Variants in ASB13 observed in about 807,000 individuals in gnomAD.
ASB13 encodes ankyrin repeat and SOCS box protein 13.
Under a neutral mutation model 28.8 loss-of-function variants are expected in ASB13, and 33 were observed. That is an observed-to-expected ratio of 1.15 (90% confidence interval 0.87 to 1.53). The LOEUF is 1.53. ASB13 is among the 40% of genes most tolerant of loss of function. ASB13 has a pLI of 0.00. For synonymous variants in ASB13, 182 were observed against 172.9 expected, an observed-to-expected ratio of 1.05 and a Z score of -0.41; for missense variants, 414 against 390.1, an observed-to-expected ratio of 1.06 and a Z score of -0.52.
chr10:5,665,880 A>T (rs1378322328), intron 1 of ASB13, among the ~76,000 whole-genome samples: 1 of 152,062 alleles, frequency 6.6e-6, no homozygotes, highest in Non-Finnish European at 1.5e-5. Context: ...GCAGCAAAAA[A>T]ATTTGCTTCC....
rs1835162765 is a variant in ASB13, at chr10:5,661,320, C to T, written c.43+5189G>A. 6.6e-6 allele frequency among the ~76,000 whole-genome samples: 1 copy of T among 152,180 alleles called. No homozygotes were observed. Among genetic ancestry groups the T allele is most frequent in the Admixed American group, 6.5e-5 (1 of 15,278 alleles). ...CATAAAAGCAGCAGAGCCACTTGCC[C>T]CCAACCCCGCCCCGCCGAGCCTGGG... On this transcript the variant is annotated intron_variant, in intron 1 of 5. Coordinates refer to ENST00000357700, the MANE Select transcript of ASB13 (RefSeq NM_024701.4). This position sits in a 1 kb window ranked among gnomAD's most constrained non-coding sequence, Gnocchi z 4.9.
At position 5,642,484 on chromosome 10, in the gene ASB13, G is replaced by C; in HGVS notation, c.518-523C>G. 1 of 1,202,128 alleles carries C rather than the reference G, an allele frequency of 8.3e-7. No homozygotes were observed. The highest frequency in any genetic ancestry group is 1.0e-6 in the Non-Finnish European group (1 of 953,700). 74.5% of individuals were successfully genotyped at this position (1,202,128 alleles called of 1,614,324 possible). ...AACAGATAACGTACCCAAAACAGTA[G>C]GCAATTCAGAGAAGAGAGTAAGCTC... On this transcript the variant is annotated intron_variant, in intron 4 of 5. Coordinates refer to ENST00000357700, the MANE Select transcript of ASB13 (RefSeq NM_024701.4). This position sits in a 1 kb window ranked among gnomAD's most constrained non-coding sequence, Gnocchi z 4.1.
rs923999882 is a variant in ASB13, at chr10:5,640,204, G to C, written c.*499C>G. 1 of 155,008 alleles carries C rather than the reference G, an allele frequency of 6.5e-6. No homozygotes were observed. The highest frequency in any genetic ancestry group is 1.4e-5 in the Non-Finnish European group (1 of 69,656). The allele number at this position is 155,008 out of a possible 1,614,324, so 9.6% of individuals were successfully genotyped here. A position where few individuals can be genotyped will look rare whatever the true frequency, so the allele number is the denominator to read the frequency against. ...GCAGTCCCAGGCCACATCCCAGGCC[G>C]ACCTTCCGTGGGCCCAGCCATTCCC... On this transcript the variant is annotated 3_prime_UTR_variant, in exon 6 of 6. Coordinates refer to ENST00000357700, the MANE Select transcript of ASB13 (RefSeq NM_024701.4).
Position 5,655,594 on chromosome 10 carries a change from G to A in ASB13, c.44-2544C>T, listed in dbSNP as rs1015124343. On this transcript the variant is annotated intron_variant, in intron 1 of 5. Transcript: ENST00000357700. This position sits in a 1 kb window ranked among gnomAD's most constrained non-coding sequence, Gnocchi z 6.2. ...AGAACTGAACCACAAAGGAAGATTC[G>A]ATCCCCACAAAATGTAAAAGTCAAG... is the stretch of plus-strand genomic sequence containing the variant. 6.6e-6 allele frequency among the ~76,000 whole-genome samples: 1 copy of A among 152,148 alleles called. No individual in the cohort carries two copies. Among genetic ancestry groups the A allele is most frequent in the African/African-American group, 2.4e-5 (1 of 41,438 alleles).
chr10:5,645,432 A>G lies in ASB13; in HGVS notation c.518-3471T>C, dbSNP rs1264418725. 1.3e-5 allele frequency among the ~76,000 whole-genome samples: 2 copies of G among 152,184 alleles called. No individual in the cohort carries two copies. Among genetic ancestry groups the G allele is most frequent in the Non-Finnish European group, 2.9e-5 (2 of 68,036 alleles). ...TTCACTGTCAGTGATCAGATTAAAA[A>G]TTACTTCACCATCATAACCGGACTT... is the stretch of plus-strand genomic sequence containing the variant. On this transcript the variant is annotated intron_variant, in intron 4 of 5. Coordinates refer to ENST00000357700, the MANE Select transcript of ASB13 (RefSeq NM_024701.4). This position sits in a 1 kb window ranked among gnomAD's most constrained non-coding sequence, Gnocchi z 5.4.
At position 5,655,685 on chromosome 10, in the gene ASB13, A is replaced by G. The variant is rs1835059611; in HGVS notation, c.44-2635T>C. ...GCCCCACCAGTAGTAATGAACAGTA[A>G]CCCACTGCCCTCCTGAGGTTAGTGA... is the stretch of plus-strand genomic sequence containing the variant. On this transcript the variant is annotated intron_variant, in intron 1 of 5. Transcript: ENST00000357700. This position sits in a 1 kb window ranked among gnomAD's most constrained non-coding sequence, Gnocchi z 6.2. Among the ~76,000 whole-genome samples the G allele has an allele frequency of 6.6e-6, 1 of 152,184 alleles. No individual in the cohort carries two copies.
At position 5,641,800 on chromosome 10, in the gene ASB13, C is replaced by T. The variant is rs1040300601; in HGVS notation, c.679G>A (p.Ala227Thr). Residue 227 changes from alanine to threonine, a missense_variant, in exon 5 of 6, where the codon GCT becomes ACT. Coordinates refer to ENST00000357700, the MANE Select transcript of ASB13 (RefSeq NM_024701.4). The surrounding 1 kb of genome is among the most constrained non-coding windows in gnomAD (Gnocchi z 8.4). ...TAGTACTCGAAGCACTTGGCGGGAG[C>T]GCTGCTGCTCCACGTGTAGTCAGAC... ...KPSDYTWSSS[A>T]PAKCFEYYEK... The T allele has an allele frequency of 2.6e-5, 42 of 1,606,364 alleles. No individual in the cohort carries two copies. The highest frequency in any genetic ancestry group is 2.0e-4 in the Admixed American group (12 of 58,772).
rs1242395713 is a variant in ASB13, at chr10:5,659,558, G to A, written c.44-6508C>T. On this transcript the variant is annotated intron_variant, in intron 1 of 5. Coordinates refer to ENST00000357700, the MANE Select transcript of ASB13 (RefSeq NM_024701.4). The surrounding 1 kb of genome is among the most constrained non-coding windows in gnomAD (Gnocchi z 5.8). ...GCGTATGCTGTTCCTTCCCCTGCCT[G>A]GAAAGCTCTTCTCAGCCCCATTCCC... 1.3e-5 allele frequency among the ~76,000 whole-genome samples: 2 copies of A among 152,136 alleles called. No individual in the cohort carries two copies. Among genetic ancestry groups the A allele is most frequent in the African/African-American group, 2.4e-5 (1 of 41,426 alleles).
chr10:5,657,223 C>T (rs1165468601), intron 1 of ASB13, among the ~76,000 whole-genome samples: 1 of 152,034 alleles, frequency 6.6e-6, no homozygotes, highest in East Asian at 1.9e-4. Context: ...CATCAAAGGG[C>T]ACAATCAGAG....
In ASB13 at chr10:5,651,634, T is replaced by A; in HGVS notation, c.232-271A>T. On this transcript the variant is annotated intron_variant, in intron 2 of 5. Transcript: ENST00000357700. This position sits in a 1 kb window ranked among gnomAD's most constrained non-coding sequence, Gnocchi z 5.1. ...CCTCGCCACCCCCGCCCCAAACACCTAGTAAGCACAGAGCAGGACAGGGGA... is the reference window on the plus strand; with the variant it reads ...CCTCGCCACCCCCGCCCCAAACACCAAGTAAGCACAGAGCAGGACAGGGGA... 2.5e-6 allele frequency: 1 copy of A among 403,792 alleles called. No individual in the cohort carries two copies. Among genetic ancestry groups the A allele is most frequent in the Non-Finnish European group, 4.5e-6 (1 of 222,048 alleles). The allele number at this position is 403,792 out of a possible 1,614,324, so 25.0% of individuals were successfully genotyped here. A position where few individuals can be genotyped will look rare whatever the true frequency, so the allele number is the denominator to read the frequency against.
chr10:5,648,584 A>AGGTAAACACCCACGCG (rs1834928967), intron 4 of ASB13, among the ~76,000 whole-genome samples: 1 of 106,696 alleles, frequency 9.4e-6, no homozygotes, highest in Non-Finnish European at 1.9e-5. Context: ...ACACCCACGC[A>AGGTAAACACCCACGCG]GGCAAACACC....
intron 1 of ASB13, 63 bp downstream of exon 1, chr10:5,666,446 C>G: frequency 8.1e-7 from 1 of 1,238,892 alleles, no homozygotes; most frequent in Non-Finnish European, 1.0e-6. Context: ...CCATCGGATA[C>G]GCGGCCGGCC....
At position 5,655,095 on chromosome 10, in the gene ASB13, T is replaced by G. The variant is rs1414861482; in HGVS notation, c.44-2045A>C. Among the ~76,000 whole-genome samples, 2 of 150,556 alleles carry G rather than the reference T, an allele frequency of 1.3e-5. No individual in the cohort carries two copies. Among genetic ancestry groups the G allele is most frequent in the Non-Finnish European group, 3.0e-5 (2 of 67,724 alleles). ...ATAGCCTGGGCAACAAGAGTGAAAC[T>G]CTGTCTTTAAAAAAAAAAAAAAAGT... On this transcript the variant is annotated intron_variant, in intron 1 of 5. Transcript: ENST00000357700. This position sits in a 1 kb window ranked among gnomAD's most constrained non-coding sequence, Gnocchi z 6.2.
rs1378758006 is a variant in ASB13, at chr10:5,658,162, A to G, written c.44-5112T>C. ...GACAGAGAGAGACTCTGTCTCAAAA[A>G]TAAATAAATAAATACGCTATTTCTG... On this transcript the variant is annotated intron_variant, in intron 1 of 5. Coordinates refer to ENST00000357700, the MANE Select transcript of ASB13 (RefSeq NM_024701.4). This position sits in a 1 kb window ranked among gnomAD's most constrained non-coding sequence, Gnocchi z 4.2. 6.6e-6 allele frequency among the ~76,000 whole-genome samples: 1 copy of G among 150,570 alleles called. No homozygotes were observed. The highest frequency in any genetic ancestry group is 2.0e-4 in the East Asian group (1 of 5,040).
Position 5,641,532 on chromosome 10 carries a change from C to T in ASB13, c.709+238G>A, listed in dbSNP as rs559425378. Reference sequence around the variant, plus strand: ...GCACAGGAGGCACAGGTCTGGTGCCCGGGCAGGTGTCGGCCACAGCTTCTG... The same window carrying T: ...GCACAGGAGGCACAGGTCTGGTGCCTGGGCAGGTGTCGGCCACAGCTTCTG... On this transcript the variant is annotated intron_variant, in intron 5 of 5. Transcript: ENST00000357700. The surrounding 1 kb of genome is among the most constrained non-coding windows in gnomAD (Gnocchi z 8.4). Among the ~76,000 whole-genome samples the T allele has an allele frequency of 4.1e-4, 62 of 152,332 alleles. No individual in the cohort carries two copies. Among genetic ancestry groups the T allele is most frequent in the South Asian group, 8.3e-4 (4 of 4,822 alleles).
In ASB13 at chr10:5,649,415, C is replaced by A. The variant is rs1287732021; in HGVS notation, c.383-311G>T. Among the ~76,000 whole-genome samples, 2 of 152,146 alleles carry A rather than the reference C, an allele frequency of 1.3e-5. No homozygotes were observed. Among genetic ancestry groups the A allele is most frequent in the African/African-American group, 2.4e-5 (1 of 41,442 alleles). On this transcript the variant is annotated intron_variant, in intron 3 of 5. Coordinates refer to ENST00000357700, the MANE Select transcript of ASB13 (RefSeq NM_024701.4). The surrounding 1 kb of genome is among the most constrained non-coding windows in gnomAD (Gnocchi z 6.4). ...GGTCAGGGAAAACTCCCCCGCTGCC[C>A]CCCTGCCCTGTGTCTACCTGCGGCT... is the stretch of plus-strand genomic sequence containing the variant.
Position 5,650,415 on chromosome 10 carries a change from C to A in ASB13, c.382+798G>T, listed in dbSNP as rs560069617. Among the ~76,000 whole-genome samples the A allele has an allele frequency of 6.6e-6, 1 of 152,068 alleles. No homozygotes were observed. The highest frequency in any genetic ancestry group is 1.5e-5 in the Non-Finnish European group (1 of 68,004). On this transcript the variant is annotated intron_variant, in intron 3 of 5. Coordinates refer to ENST00000357700, the MANE Select transcript of ASB13 (RefSeq NM_024701.4). This position sits in a 1 kb window ranked among gnomAD's most constrained non-coding sequence, Gnocchi z 6.0. ...TGGCCTGCAGACATGGAAAGACCTA[C>A]GAGCAGGAATCAGGGGTGAGCCACA...
chr10:5,640,491 C>A lies in ASB13; in HGVS notation c.*212G>T. On this transcript the variant is annotated 3_prime_UTR_variant, in exon 6 of 6. Transcript: ENST00000357700. The stretch of plus-strand genomic sequence containing the variant: ...CTGTAGAACAGCGCAGGGCCACACC[C>A]ACAACTGTGACCTGAGACGCAGGCC... 1 of 592,846 alleles carries A rather than the reference C, an allele frequency of 1.7e-6. No homozygotes were observed. The highest frequency in any genetic ancestry group is 2.9e-6 in the Non-Finnish European group (1 of 344,808). 36.7% of individuals were successfully genotyped at this position (592,846 alleles called of 1,614,324 possible).
In ASB13 at chr10:5,666,572, C is replaced by A. The variant is rs1275762417; in HGVS notation, c.-21G>T. On this transcript the variant is annotated 5_prime_UTR_variant, in exon 1 of 6. Transcript: ENST00000357700. Reference sequence around the variant, plus strand: ...TCCATGCGGCTCACCGGCGGCCGCGCGGCGACTCTGGGCGCCGGGACCTGG... The same window carrying A: ...TCCATGCGGCTCACCGGCGGCCGCGAGGCGACTCTGGGCGCCGGGACCTGG... 2 of 1,144,186 alleles carry A rather than the reference C, an allele frequency of 1.7e-6. No individual in the cohort carries two copies. Among genetic ancestry groups the A allele is most frequent in the Non-Finnish European group, 2.1e-6 (2 of 932,004 alleles). The allele number at this position is 1,144,186 out of a possible 1,614,324, so 70.9% of individuals were successfully genotyped here.
Sources: gnomAD v4.1 joint callset for allele counts (sites outside exome capture counted in the v4.1 genomes callset) on GRCh38, gnomAD v4.1.1 for gene constraint, Gnocchi (gnomAD v3.1) non-coding constraint, MANE v1.5 for transcripts, NCBI Gene and HGNC (gene_info 2026-07-23, HGNC 2026-07-21) for gene names.